Variants in LRRC49 observed in about 807,000 individuals in gnomAD.
LRRC49 encodes the protein leucine rich repeat containing 49.
A neutral mutation model predicts 83.3 loss-of-function variants in LRRC49; 50 were observed. The ratio of observed to expected loss-of-function variants is 0.60; its 90% confidence interval spans 0.48 to 0.76. The LOEUF (loss-of-function observed/expected upper bound fraction) is 0.76, where lower values mean the gene tolerates loss of function less well. Among genes scored for constraint, LRRC49 ranks in the 30% least tolerant of loss-of-function variants. The pLI is 0.00. For missense variants in LRRC49, 704 were observed against 809.1 expected, an observed-to-expected ratio of 0.87 and a Z score of 1.58; for synonymous variants, 286 against 283.3, an observed-to-expected ratio of 1.01 and a Z score of -0.10.
Position 71,008,474 on chromosome 15 carries a change from G to T in LRRC49, c.1265G>T (p.Gly422Val). ...EVDGDTLSLY[G>V]SGALESLDRN... ...GACGGGGATACACTTTCCCTATATG[G>T]CTCAGGAGCACTGGAATCTCTGGAT... Residue 422 changes from glycine (G) to valine (V), a missense_variant, in exon 12 of 16, where the codon GGC (glycine) becomes GTC (valine). Gly to Val is a moderately radical substitution (Grantham distance 109). Transcript: ENST00000260382. 6.2e-7 allele frequency: 1 copy of T among 1,612,844 alleles called. No homozygotes were observed. The highest frequency in any genetic ancestry group is 8.5e-7 in the Non-Finnish European group (1 of 1,179,174).
In LRRC49 at chr15:70,911,524, G is replaced by A; in HGVS notation, c.501-8G>A. On this transcript the variant is annotated splice_polypyrimidine_tract_variant and splice_region_variant and intron_variant, in intron 5 of 15. Coordinates refer to ENST00000260382, the MANE Select transcript of LRRC49 (RefSeq NM_017691.5). ...CCGTATTTCTATTCTACTTATTCTG[G>A]TTTTCAGAATCAAGAAAATCTCAAA... 1 of 1,513,300 alleles carries A rather than the reference G, an allele frequency of 6.6e-7. No homozygotes were observed. The highest frequency in any genetic ancestry group is 9.1e-7 in the Non-Finnish European group (1 of 1,101,932). The allele number at this position is 1,513,300 out of a possible 1,614,324, so 93.7% of individuals were successfully genotyped here.
At chr15:71,020,560 T>A (rs1399220549) in intron 14 of LRRC49, among the ~76,000 whole-genome samples, 1 of 151,786 alleles carries the variant, frequency 6.6e-6, no homozygotes, top group East Asian at 1.9e-4. Flanking sequence ...GGTGAAAAAA[T>A]TTAAAAACAA....
At chr15:71,008,090 G>A (rs1445680898) in intron 11 of LRRC49, among the ~76,000 whole-genome samples, 5 of 151,752 alleles carry the variant, frequency 3.3e-5, no homozygotes, top group African/African-American at 4.8e-5. Context: ...TGTAGTAAAC[G>A]GCTTGTTTTA....
chr15:70,896,090 G>GTT (rs2033824597), intron 3 of LRRC49, among the ~76,000 whole-genome samples, 154 bp downstream of exon 3: 1 of 151,854 alleles, frequency 6.6e-6, no homozygotes, highest in Admixed American at 6.6e-5. Flanking sequence ...TAAATCATTG[G>GTT]TTATATATAT....
intron 9 of LRRC49, among the ~76,000 whole-genome samples, chr15:70,971,216 T>G (rs931837337): frequency 1.3e-5 from 2 of 152,208 alleles, no homozygotes; most frequent in Non-Finnish European, 2.9e-5. Flanking sequence ...CTTCTTTATT[T>G]CTCCCTTAAA....
At chr15:70,887,987 A>C (rs1360239110), upstream of LRRC49, among the ~76,000 whole-genome samples, 2 of 152,202 alleles carry the variant, frequency 1.3e-5, no homozygotes, top group African/African-American at 4.8e-5. Context: ...CTAATGAAAG[A>C]TATGTAAGAC....
intron 8 of LRRC49, 51 bp from the exon 9 acceptor site, chr15:70,963,734 G>A (rs752061517): frequency 7.7e-6 from 12 of 1,552,112 alleles, no homozygotes; most frequent in African/African-American, 1.4e-5. Flanking sequence ...AAAAATGAAA[G>A]TATTATCTTA....
intron 14 of LRRC49, among the ~76,000 whole-genome samples, chr15:71,029,862 C>A (rs1428248671): frequency 2.6e-5 from 4 of 151,894 alleles, no homozygotes; most frequent in Non-Finnish European, 4.4e-5. Context: ...TTTTGCTTTC[C>A]ATTTGCTTGG....
intron 9 of LRRC49, among the ~76,000 whole-genome samples, chr15:70,970,858 A>G (rs2036969563): frequency 6.6e-6 from 1 of 152,032 alleles, no homozygotes; most frequent in Non-Finnish European, 1.5e-5. Flanking sequence ...TATTGTGTAT[A>G]TTTGATTCTT....
rs567872431 is a variant in LRRC49, at chr15:71,018,051, AAGG to A, written c.1703+5151_1703+5153del. On this transcript the variant is annotated intron_variant, in intron 14 of 15. Transcript: ENST00000260382. ...ATTACAGTAGATAATATGACTGTAAAAGGAGGAGGAGGAGGGGGAGAAAGATTG... is the reference window on the plus strand; with the variant it reads ...ATTACAGTAGATAATATGACTGTAAAAGGAGGAGGAGGGGGAGAAAGATTG... 3.3e-5 allele frequency among the ~76,000 whole-genome samples: 5 copies of A among 152,194 alleles called. No homozygotes were observed. The East Asian group carries it at 7.7e-4, about 24-fold the overall frequency.
At chr15:70,918,198 C>T (rs2034863183) in intron 6 of LRRC49, 1 of 152,402 alleles carries the variant, frequency 6.6e-6, no homozygotes, top group Non-Finnish European at 1.5e-5. Context: ...AGACCCCATG[C>T]TCACTCACAC....
intron 1 of LRRC49, among the ~76,000 whole-genome samples, chr15:70,866,100 C>A (rs2032904026): frequency 6.6e-6 from 1 of 151,366 alleles, no homozygotes; most frequent in African/African-American, 2.4e-5. Context: ...CCCCATAGTT[C>A]TGGTACATGT....
intron 8 of LRRC49, among the ~76,000 whole-genome samples, chr15:70,941,697 A>G (rs2035823148): frequency 1.3e-5 from 2 of 152,134 alleles, no homozygotes; most frequent in Admixed American, 1.3e-4. Context: ...TTATATCAGC[A>G]TCTATAACCA....
At chr15:70,924,662 T>C (rs938182170) in intron 7 of LRRC49, among the ~76,000 whole-genome samples, 9 of 152,026 alleles carry the variant, frequency 5.9e-5, no homozygotes, top group Admixed American at 1.3e-4. Flanking sequence ...CTTATTTGGA[T>C]TTGCCCACAT....
At chr15:70,895,238 C>T (rs895866003) in intron 2 of LRRC49, among the ~76,000 whole-genome samples, 3 of 151,966 alleles carry the variant, frequency 2.0e-5, no homozygotes, top group Non-Finnish European at 2.9e-5. Flanking sequence ...CTCAGTCCTC[C>T]CACCAGATAA....
At chr15:70,861,185 T>C (rs140193633) in intron 1 of LRRC49, among the ~76,000 whole-genome samples, 26 of 152,308 alleles carry the variant, frequency 1.7e-4, no homozygotes, top group African/African-American at 6.3e-4. Context: ...TAATGCCTAA[T>C]ATTAATAGAA....
intron 1 of LRRC49, among the ~76,000 whole-genome samples, chr15:70,869,911 A>G (rs2032992134): frequency 6.6e-6 from 1 of 152,070 alleles, no homozygotes. Flanking sequence ...TTTATTACTG[A>G]TTTTATTAAC....
chr15:71,006,202 T>G (rs1375299031), intron 11 of LRRC49, among the ~76,000 whole-genome samples: 1 of 152,218 alleles, frequency 6.6e-6, no homozygotes, highest in Non-Finnish European at 1.5e-5. Context: ...ATTATGTCAC[T>G]TATTTCCTGA....
chr15:71,050,938 C>G lies in LRRC49; in HGVS notation c.*1326C>G. 1 of 152,104 alleles carries G rather than the reference C, an allele frequency of 6.6e-6. No individual in the cohort carries two copies. Among genetic ancestry groups the G allele is most frequent in the Non-Finnish European group, 1.5e-5 (1 of 68,192 alleles). 9.4% of individuals were successfully genotyped at this position (152,104 alleles called of 1,614,324 possible). ...CACTGCAAGCTCCGCTTCCCAGGTTCACGCCATTCTCCTGCCTCAGCCTCC... is the reference window on the plus strand; with the variant it reads ...CACTGCAAGCTCCGCTTCCCAGGTTGACGCCATTCTCCTGCCTCAGCCTCC... On this transcript the variant is annotated 3_prime_UTR_variant, in exon 16 of 16. Transcript: ENST00000260382.
Sources: gnomAD v4.1 joint callset for allele counts (sites outside exome capture counted in the v4.1 genomes callset) on GRCh38, gnomAD v4.1.1 for gene constraint, MANE v1.5 for transcripts, NCBI Gene and HGNC (gene_info 2026-07-23, HGNC 2026-07-21) for gene names.